The following ADGRL2 variants were observed in gnomAD, a reference collection of about 807,000 sequenced individuals.
ADGRL2 encodes adhesion G protein-coupled receptor L2, also known as calcium-independent alpha-latrotoxin receptor 2.
In ADGRL2, 44 loss-of-function variants were observed where a neutral mutation model predicts 157.4. That is an observed-to-expected ratio of 0.28 (90% CI 0.22 to 0.36). The LOEUF is 0.36. ADGRL2 is among the 10% of genes least tolerant of loss of function. The pLI, the probability that ADGRL2 is intolerant of heterozygous loss-of-function variation, is 1.00. For synonymous variants in ADGRL2, 585 were observed against 624.7 expected, an observed-to-expected ratio of 0.94 and a Z score of 0.95; for missense variants, 1,510 against 1,768.9, an observed-to-expected ratio of 0.85 and a Z score of 2.63.
intron 3 of ADGRL2, among the ~76,000 whole-genome samples, chr1:81,925,003 A>G (rs2095070969): frequency 2.0e-5 from 3 of 152,130 alleles, no homozygotes; most frequent in South Asian, 4.1e-4. Context: ...GAATACTTGT[A>G]TGAAAATTCC....
intron 2 of ADGRL2, among the ~76,000 whole-genome samples, chr1:81,520,159 C>G (rs915933698): frequency 4.6e-5 from 7 of 152,050 alleles, no homozygotes; most frequent in Non-Finnish European, 7.4e-5. Context: ...AATCTAGGCC[C>G]CCAGTGGCTG....
At chr1:81,331,906 A>G (rs1200094446) in intron 1 of ADGRL2, among the ~76,000 whole-genome samples, 1 of 152,182 alleles carries the variant, frequency 6.6e-6, no homozygotes, top group East Asian at 1.9e-4. Flanking sequence ...ACTTAAACAA[A>G]GGTGTTTAAT....
intron 1 of ADGRL2, among the ~76,000 whole-genome samples, chr1:81,725,463 CGG>C (rs1557599049): frequency 6.6e-6 from 1 of 151,942 alleles, no homozygotes; most frequent in African/African-American, 2.4e-5. Context: ...TATTTGAACT[CGG>C]GAGGTGAAGG....
At chr1:81,765,085 T>C (rs952619257) in intron 2 of ADGRL2, among the ~76,000 whole-genome samples, 1 of 152,014 alleles carries the variant, frequency 6.6e-6, no homozygotes, top group Non-Finnish European at 1.5e-5. Context: ...TTAACCTTAA[T>C]TTTTTCACTT....
chr1:81,525,851 T>C (rs193212446), intron 2 of ADGRL2, among the ~76,000 whole-genome samples: 1 of 152,334 alleles, frequency 6.6e-6, no homozygotes, highest in East Asian at 1.9e-4. Flanking sequence ...TCTTTACAAC[T>C]TTCAAATTAC....
At chr1:81,443,216 T>C (rs1332348507) in intron 1 of ADGRL2, among the ~76,000 whole-genome samples, 1 of 151,936 alleles carries the variant, frequency 6.6e-6, no homozygotes, top group Admixed American at 6.6e-5. Context: ...AAGTCAAGAG[T>C]TCGAGATCAG....
intron 2 of ADGRL2, among the ~76,000 whole-genome samples, chr1:81,879,118 AGAG>A: frequency 6.6e-6 from 1 of 152,208 alleles, no homozygotes. Context: ...AGATTAGTTT[AGAG>A]ATTATTGAAT....
rs78031021 is a variant in ADGRL2 at position 81,368,801 on chromosome 1, T to G, written c.-302+62292T>G. On this transcript the variant is annotated intron_variant, in intron 1 of 24. Coordinates refer to the ADGRL2 transcript ENST00000370721. Reference sequence around the variant, plus strand: ...CACACTTCCCCATCACACCATTGTTTTGCATCGCTCCATCCCATTTCCTGA... The same window carrying G: ...CACACTTCCCCATCACACCATTGTTGTGCATCGCTCCATCCCATTTCCTGA... 3.0e-3 allele frequency among the ~76,000 whole-genome samples: 457 copies of G among 152,248 alleles called. 7 individuals are homozygous for G. The South Asian group carries it at 0.047, about 16-fold the overall frequency.
At chr1:81,436,892 C>T (rs2101650825) in intron 1 of ADGRL2, among the ~76,000 whole-genome samples, 1 of 152,366 alleles carries the variant, frequency 6.6e-6, no homozygotes, top group South Asian at 2.1e-4. Context: ...GAAGTGCTGA[C>T]AAAAGTGATT....
chr1:81,341,416 A>C (rs1662063123), intron 1 of ADGRL2, among the ~76,000 whole-genome samples: 1 of 151,936 alleles, frequency 6.6e-6, no homozygotes, highest in Admixed American at 6.6e-5. Flanking sequence ...ATGATTCATC[A>C]GTAGGGCTAT....
intron 9 of ADGRL2, 148 bp downstream of exon 9, chr1:81,952,290 T>C: frequency 1.7e-6 from 1 of 583,246 alleles, no homozygotes; most frequent in South Asian, 2.7e-5. Flanking sequence ...CAAGGAAGAA[T>C]TACAGTTGAG....
chr1:81,973,928 G>A (rs1249260427), intron 17 of ADGRL2, among the ~76,000 whole-genome samples: 1 of 141,412 alleles, frequency 7.1e-6, no homozygotes. Context: ...GATACAGTGT[G>A]TGTGGGGAAA....
Position 81,959,124 on chromosome 1 carries a change from C to T in ADGRL2, c.2017+3064C>T, listed in dbSNP as rs1654527325. 2.0e-5 allele frequency among the ~76,000 whole-genome samples: 3 copies of T among 152,146 alleles called. No individual in the cohort carries two copies. The South Asian group carries it at 6.2e-4, about 32-fold the overall frequency. On this transcript the variant is annotated intron_variant, in intron 11 of 23. Transcript: ENST00000686636. Reference sequence around the variant, plus strand: ...GTGGTTGTACCATATTAAACTTGAACTGTAGCATATGAGAGTTCCAGTTGC... The same window carrying T: ...GTGGTTGTACCATATTAAACTTGAATTGTAGCATATGAGAGTTCCAGTTGC...
rs985422279 is a variant in ADGRL2, at chr1:81,993,562, ATTTGGAAGCCATCATTGATC to A, written c.*2423_*2442del. 2.0e-5 allele frequency among the ~76,000 whole-genome samples: 3 copies of A among 152,132 alleles called. No homozygotes were observed. Among genetic ancestry groups the A allele is most frequent in the African/African-American group, 7.2e-5 (3 of 41,430 alleles). On this transcript the variant is annotated 3_prime_UTR_variant, in exon 24 of 24. Coordinates refer to ENST00000686636, the MANE Select transcript of ADGRL2 (RefSeq NM_001366006.2). Reference sequence around the variant, plus strand: ...CTAACGTCTTTATCCTATGGATTCAATTTGGAAGCCATCATTGATCTTTGGCATCAAAAGAAAAGTCATTT... The same window carrying A: ...CTAACGTCTTTATCCTATGGATTCAATTTGGCATCAAAAGAAAAGTCATTT...
At position 81,500,746 on chromosome 1, in the gene ADGRL2, T is replaced by G. The variant is rs78579275; in HGVS notation, c.-248+55657T>G. ...GGATACTAGTGATGGTGTGCAACAA[T>G]GTACTTACTGTAGAATGTACTTAAG... On this transcript the variant is annotated intron_variant, in intron 2 of 24. Coordinates refer to the ADGRL2 transcript ENST00000370721. 2.7e-3 allele frequency among the ~76,000 whole-genome samples: 406 copies of G among 152,346 alleles called. 5 individuals carry two copies. Among genetic ancestry groups the G allele is most frequent in the African/African-American group, 9.1e-3 (377 of 41,586 alleles).
At chr1:81,687,907 T>A (rs151298255) in intron 3 of ADGRL2, among the ~76,000 whole-genome samples, 1 of 152,172 alleles carries the variant, frequency 6.6e-6, no homozygotes, top group Admixed American at 6.5e-5. Context: ...TGAAAACAAC[T>A]ATATTTCCTT....
chr1:81,754,622 CTCT>C (rs2085616739), intron 1 of ADGRL2, among the ~76,000 whole-genome samples: 1 of 142,268 alleles, frequency 7.0e-6, no homozygotes, highest in African/African-American at 2.6e-5. Context: ...TTTTCTTTCT[CTCT>C]TCTTTCTTCT....
At chr1:81,650,938 C>T (rs1039210416) in intron 3 of ADGRL2, among the ~76,000 whole-genome samples, 3 of 152,094 alleles carry the variant, frequency 2.0e-5, no homozygotes, top group Non-Finnish European at 4.4e-5. Flanking sequence ...AGTTTTTGCC[C>T]TCCCTCTTGT....
intron 2 of ADGRL2, among the ~76,000 whole-genome samples, chr1:81,861,701 C>G (rs1291010036): frequency 6.6e-6 from 1 of 151,982 alleles, no homozygotes; most frequent in Non-Finnish European, 1.5e-5. Flanking sequence ...CCAGCCTGGC[C>G]AACATGGTGA....
Sources: allele counts gnomAD v4.1 joint callset (sites outside exome capture counted in the v4.1 genomes callset), GRCh38; gene constraint gnomAD v4.1.1; transcripts MANE v1.5; gene names NCBI Gene and HGNC (gene_info 2026-07-23, HGNC 2026-07-21).